EXT1: variants seen among roughly 807,000 people sequenced by gnomAD.
EXT1 encodes exostosin-1.
Under a neutral mutation model 82.5 loss-of-function variants are expected in EXT1, and 20 were observed. The ratio of observed to expected loss-of-function variants is 0.24; its 90% confidence interval spans 0.17 to 0.35. EXT1 has a LOEUF of 0.35. Among genes scored for constraint, EXT1 ranks in the 10% least tolerant of loss-of-function variants. EXT1 has a pLI of 1.00. For synonymous variants in EXT1, 348 were observed against 350.8 expected (o/e 0.99, Z 0.09); for missense variants, 757 against 936.5 (o/e 0.81, Z 2.50).
At chr8:118,030,305 G>A (rs1368439749) in intron 1 of EXT1, among the ~76,000 whole-genome samples, 1 of 150,962 alleles carries the variant, frequency 6.6e-6, no homozygotes, top group Non-Finnish European at 1.5e-5. Flanking sequence ...GAGGCTGAGA[G>A]AAGAGCAATG....
intron 1 of EXT1, among the ~76,000 whole-genome samples, chr8:117,995,436 T>C (rs1303111782): frequency 3.9e-5 from 6 of 152,304 alleles, no homozygotes; most frequent in Non-Finnish European, 5.9e-5. Context: ...TTTTTCTGGA[T>C]TGGTGACCTG....
intron 1 of EXT1, among the ~76,000 whole-genome samples, chr8:118,049,700 C>A (rs898174379): frequency 6.6e-6 from 1 of 152,184 alleles, no homozygotes. Flanking sequence ...AAGACATTGC[C>A]AATAAACCTT....
intron 1 of EXT1, among the ~76,000 whole-genome samples, chr8:117,866,220 G>A (rs986322144): frequency 2.0e-5 from 3 of 152,158 alleles, no homozygotes; most frequent in South Asian, 2.1e-4. Context: ...GTGAGACTCA[G>A]TCTCAAACAA....
chr8:118,059,501 AGCGGCCCT>A (rs1416501739), intron 1 of EXT1, among the ~76,000 whole-genome samples: 1 of 152,208 alleles, frequency 6.6e-6, no homozygotes, highest in African/African-American at 2.4e-5. Flanking sequence ...CTTCCTAACA[AGCGGCCCT>A]GTTGAGCAGC....
chr8:117,858,615 T>G (rs1023416244), intron 1 of EXT1, among the ~76,000 whole-genome samples: 1 of 150,926 alleles, frequency 6.6e-6, no homozygotes, highest in African/African-American at 2.4e-5. Context: ...GAGGCGGAAG[T>G]TGCAGTGAGC....
chr8:118,021,942 T>C (rs1816109925), intron 1 of EXT1, among the ~76,000 whole-genome samples: 1 of 152,218 alleles, frequency 6.6e-6, no homozygotes, highest in South Asian at 2.1e-4. Context: ...GACTATATCC[T>C]ACATGACTCC....
At chr8:117,966,793 AT>A (rs1814820612) in intron 1 of EXT1, among the ~76,000 whole-genome samples, 1 of 152,132 alleles carries the variant, frequency 6.6e-6, no homozygotes, top group Non-Finnish European at 1.5e-5. Context: ...ATCTATTTTT[AT>A]TTTCCCCCTT....
intron 1 of EXT1, among the ~76,000 whole-genome samples, chr8:117,861,488 CTTTTTT>C (rs755653091): frequency 5.8e-4 from 50 of 86,848 alleles, no homozygotes; most frequent in African/African-American, 1.9e-3. Context: ...AAGTTTTTAT[CTTTTTT>C]TTTTTTTTTT....
intron 1 of EXT1, among the ~76,000 whole-genome samples, chr8:117,896,721 G>T (rs1490842354): frequency 6.6e-6 from 1 of 152,162 alleles, no homozygotes; most frequent in Admixed American, 6.5e-5. Flanking sequence ...AAGGCTTTAG[G>T]GATTTGGGGA....
At chr8:117,826,057 T>C (rs189859273) in intron 4 of EXT1, among the ~76,000 whole-genome samples, 229 of 152,326 alleles carry the variant, frequency 1.5e-3, no homozygotes, top group African/African-American at 5.3e-3. Flanking sequence ...GTTTTTTCAT[T>C]GTCCTCATTG....
chr8:118,074,937 C>T (rs187437009), intron 1 of EXT1, among the ~76,000 whole-genome samples: 97 of 152,236 alleles, frequency 6.4e-4, no homozygotes, highest in Non-Finnish European at 9.1e-4. Flanking sequence ...AGAGGAGAGC[C>T]GGCTGTGGGT....
intron 1 of EXT1, among the ~76,000 whole-genome samples, chr8:118,011,117 T>A (rs1815890945): frequency 6.6e-6 from 1 of 152,198 alleles, no homozygotes; most frequent in Non-Finnish European, 1.5e-5. Flanking sequence ...CACTTCACCA[T>A]GAGAAAGTGT....
chr8:117,978,278 C>T (rs1005010929), intron 1 of EXT1, among the ~76,000 whole-genome samples: 12 of 152,338 alleles, frequency 7.9e-5, no homozygotes, highest in African/African-American at 2.9e-4. Context: ...TGAACAACCA[C>T]ATTCTGGCTT....
At chr8:118,068,436 A>G (rs1251769628) in intron 1 of EXT1, among the ~76,000 whole-genome samples, 1 of 152,130 alleles carries the variant, frequency 6.6e-6, no homozygotes, top group African/African-American at 2.4e-5. Context: ...CCTAGGTATT[A>G]AGCCCAGCAT....
intron 1 of EXT1, among the ~76,000 whole-genome samples, chr8:118,041,402 G>A (rs1404250858): frequency 6.6e-6 from 1 of 152,042 alleles, no homozygotes; most frequent in East Asian, 1.9e-4. Context: ...CACCTTTTGA[G>A]GCATGGGGAA....
At chr8:117,835,140 T>C (rs1812168617) in intron 3 of EXT1, among the ~76,000 whole-genome samples, 1 of 152,164 alleles carries the variant, frequency 6.6e-6, no homozygotes, top group African/African-American at 2.4e-5. Context: ...ATAAAAACTC[T>C]CTGGTAATAT....
chr8:117,854,660 G>A (rs1319303781), intron 1 of EXT1, among the ~76,000 whole-genome samples: 1 of 152,354 alleles, frequency 6.6e-6, no homozygotes, highest in Non-Finnish European at 1.5e-5. Flanking sequence ...CAGCCACACT[G>A]TTGAGAGCAC....
At chr8:117,894,739 C>T (rs1270228806) in intron 1 of EXT1, among the ~76,000 whole-genome samples, 1 of 152,180 alleles carries the variant, frequency 6.6e-6, no homozygotes, top group Non-Finnish European at 1.5e-5. Flanking sequence ...CCCAAGACAG[C>T]CACCTCTGCC....
chr8:117,918,892 C>T (rs1251972542), intron 1 of EXT1, among the ~76,000 whole-genome samples: 2 of 152,074 alleles, frequency 1.3e-5, no homozygotes, highest in Non-Finnish European at 2.9e-5. Context: ...GTGTTAGTCA[C>T]ACTGTTGGAG....
Sources: gnomAD v4.1 joint callset for allele counts (sites outside exome capture counted in the v4.1 genomes callset) on GRCh38, gnomAD v4.1.1 for gene constraint, MANE v1.5 for transcripts, NCBI Gene and HGNC (gene_info 2026-07-23, HGNC 2026-07-21) for gene names.